PTH1R: variants seen among roughly 807,000 people sequenced by gnomAD.
PTH1R encodes the protein parathyroid hormone/parathyroid hormone-related peptide receptor.
Under a neutral mutation model 70.7 loss-of-function variants are expected in PTH1R, and 32 were observed. That is an observed-to-expected ratio of 0.45 (90% CI 0.34 to 0.61). The LOEUF is 0.61. Ranked by LOEUF, PTH1R falls within the 20% of genes least tolerant of loss-of-function variation. The probability of loss-of-function intolerance (pLI) is 0.01; values close to 1 mark genes in which losing one functional copy is unlikely to be tolerated. For synonymous variants in PTH1R, 329 were observed against 324.8 expected (o/e 1.01, Z -0.14); for missense variants, 626 against 792.5 (o/e 0.79, Z 2.52).
chr3:46,878,175 G>T (rs1264809898), intron 1 of PTH1R, among the ~76,000 whole-genome samples: 1 of 152,236 alleles, frequency 6.6e-6, no homozygotes, highest in African/African-American at 2.4e-5. Context: ...TGCTTCTGCT[G>T]CAAGGGAAGG....
At chr3:46,894,938 C>T (rs987376029) in intron 4 of PTH1R, among the ~76,000 whole-genome samples, 2 of 151,876 alleles carry the variant, frequency 1.3e-5, no homozygotes, top group African/African-American at 2.4e-5. Context: ...GTGGTGCACA[C>T]CTGTAGTCCC....
Position 46,902,345 on chromosome 3 carries a change from G to C in PTH1R, c.1212-181G>C, listed in dbSNP as rs2032175909. ...CCGGGACACCGCTGAGAACCAACGG[G>C]CCCTATTAGCACTTAGCCAGGACAG... On this transcript the variant is annotated intron_variant, in intron 13 of 15. Coordinates refer to ENST00000449590, the MANE Select transcript of PTH1R (RefSeq NM_000316.3). This position sits in a 1 kb window ranked among gnomAD's most constrained non-coding sequence, Gnocchi z 5.4. 6.6e-6 allele frequency among the ~76,000 whole-genome samples: 1 copy of C among 152,160 alleles called. No individual in the cohort carries two copies. The highest frequency in any genetic ancestry group is 1.5e-5 in the Non-Finnish European group (1 of 68,016).
At chr3:46,881,467 A>G (rs1349823440) in intron 2 of PTH1R, among the ~76,000 whole-genome samples, 5 of 151,976 alleles carry the variant, frequency 3.3e-5, no homozygotes, top group Admixed American at 1.3e-4. Context: ...AGGGAGGTGA[A>G]GCCTGAGAGT....
rs2031550751 is a variant in PTH1R at position 46,893,468 on chromosome 3, G to A, written c.76-439G>A. Among the ~76,000 whole-genome samples the A allele has an allele frequency of 6.6e-6, 1 of 152,082 alleles. No individual in the cohort carries two copies. Among genetic ancestry groups the A allele is most frequent in the African/African-American group, 2.4e-5 (1 of 41,408 alleles). Reference sequence around the variant, plus strand: ...CCCCCCAGGGTGCCAGGACTTGAAGGACTCCAGGCTGGGTTTGTCTCCCCA... The same window carrying A: ...CCCCCCAGGGTGCCAGGACTTGAAGAACTCCAGGCTGGGTTTGTCTCCCCA... On this transcript the variant is annotated intron_variant, in intron 3 of 15. Coordinates refer to ENST00000449590, the MANE Select transcript of PTH1R (RefSeq NM_000316.3). The surrounding 1 kb of genome is among the most constrained non-coding windows in gnomAD (Gnocchi z 5.2).
In PTH1R at chr3:46,898,772, T is replaced by C. The variant is rs547682383; in HGVS notation, c.749T>C (p.Leu250Pro). The change falls in exon 9 of 16, where the codon CTT becomes CCT. Residue 250 changes from leucine (L) to proline (P), a missense_variant. By Grantham distance (98) the Leu-to-Pro change is moderately conservative. This residue lies in a region of PTH1R where 495 missense variants were observed against 638.7 expected (regional missense o/e 0.77). Coordinates refer to ENST00000449590, the MANE Select transcript of PTH1R (RefSeq NM_000316.3). ...GCTGTGCTCTACTCTGGCGCCACGC[T>C]TGATGAGGCTGAGCGCCTCACCGAG... ...KDAVLYSGAT[L>P]DEAERLTEEE... The C allele has an allele frequency of 2.4e-5, 38 of 1,604,930 alleles. No homozygotes were observed. In the Admixed American group the frequency reaches 4.8e-4, roughly 20 times the overall value.
At chr3:46,887,876 C>G (rs775361826) in intron 3 of PTH1R, among the ~76,000 whole-genome samples, 11 of 152,158 alleles carry the variant, frequency 7.2e-5, no homozygotes, top group Non-Finnish European at 1.2e-4. Context: ...GTGTGTGTGT[C>G]TATATGTGCG....
chr3:46,903,442 T>C lies in PTH1R; in HGVS notation c.1568T>C (p.Leu523Pro). 1 of 1,613,500 alleles carries C rather than the reference T, an allele frequency of 6.2e-7. No homozygotes were observed. Among genetic ancestry groups the C allele is most frequent in the Admixed American group, 1.7e-5 (1 of 60,010 alleles). The change falls in exon 16 of 16, where the codon CTG (leucine) becomes CCG (proline). Residue 523 changes from leucine to proline, a missense_variant. This residue lies in a region of PTH1R where 495 missense variants were observed against 638.7 expected (regional missense o/e 0.77). Coordinates refer to ENST00000449590, the MANE Select transcript of PTH1R (RefSeq NM_000316.3). The surrounding 1 kb of genome is among the most constrained non-coding windows in gnomAD (Gnocchi z 4.4). ...GLGLPLSPRLLPTATTNGHPQ... is the reference protein window; with the variant it reads ...GLGLPLSPRLPPTATTNGHPQ... Reference sequence around the variant, plus strand: ...GGCCTGCCCCTCAGCCCCCGCCTACTGCCCACTGCCACCACCAACGGCCAC... The same window carrying C: ...GGCCTGCCCCTCAGCCCCCGCCTACCGCCCACTGCCACCACCAACGGCCAC...
Position 46,898,246 on chromosome 3 carries a change from C to T in PTH1R, c.543+54C>T, listed in dbSNP as rs1248350167. On this transcript the variant is annotated intron_variant, in intron 7 of 15. Coordinates refer to ENST00000449590, the MANE Select transcript of PTH1R (RefSeq NM_000316.3). ...CCAGGATAAATTCACTCCCACCCCA[C>T]GGGTGACCCCTGACCCAGCCCTGAC... The T allele has an allele frequency of 9.4e-6, 15 of 1,594,734 alleles. No individual in the cohort carries two copies. The East Asian group carries it at 2.0e-4, about 21-fold the overall frequency.
rs1422429554 is a variant in PTH1R at position 46,884,151 on chromosome 3, G to C, written c.75+517G>C. Among the ~76,000 whole-genome samples, 1 of 152,138 alleles carries C rather than the reference G, an allele frequency of 6.6e-6. No homozygotes were observed. Among genetic ancestry groups the C allele is most frequent in the Non-Finnish European group, 1.5e-5 (1 of 67,994 alleles). On this transcript the variant is annotated intron_variant, in intron 3 of 15. Transcript: ENST00000449590. This position sits in a 1 kb window ranked among gnomAD's most constrained non-coding sequence, Gnocchi z 4.8. ...ACGTCTGGCTTCACCCAGGGTAGAA[G>C]CTGTTTCCCCAAGGAGGTGGGTGTG...
intron 9 of PTH1R, 144 bp from the exon 10 acceptor site, chr3:46,899,159 G>C: frequency 8.2e-6 from 9 of 1,091,488 alleles, no homozygotes; most frequent in South Asian, 6.7e-5. Context: ...ATCCCCCTGA[G>C]AGAGCCCCCC....
chr3:46,901,429 C>T lies in PTH1R; in HGVS notation c.1065C>T (p.Ser355=). The T allele has an allele frequency of 6.3e-7, 1 of 1,575,268 alleles. No homozygotes were observed. The highest frequency in any genetic ancestry group is 8.6e-7 in the Non-Finnish European group (1 of 1,159,608). The stretch of plus-strand genomic sequence containing the variant: ...CCTCCCCCAGGTGCTGGGACTTGAG[C>T]TCCGGGAACAAAAAGTGGATCATCC... ...TLANTGCWDL[S]SGNKKWIIQV... The change falls in exon 12 of 16, where the codon AGC becomes AGT. Residue 355 remains serine (S), a synonymous_variant. Transcript: ENST00000449590. The surrounding 1 kb of genome is among the most constrained non-coding windows in gnomAD (Gnocchi z 7.3).
In PTH1R at chr3:46,883,920, T is replaced by C. The variant is rs1456184991; in HGVS notation, c.75+286T>C. On this transcript the variant is annotated intron_variant, in intron 3 of 15. Coordinates refer to ENST00000449590, the MANE Select transcript of PTH1R (RefSeq NM_000316.3). The surrounding 1 kb of genome is among the most constrained non-coding windows in gnomAD (Gnocchi z 6.4). The stretch of plus-strand genomic sequence containing the variant: ...TGCTTCTGTGAGCACCATGGCTGTT[T>C]CTCCCTGGAAGATGACAGTGTGACC... Among the ~76,000 whole-genome samples the C allele has an allele frequency of 2.0e-5, 3 of 152,192 alleles. No individual in the cohort carries two copies. The East Asian group carries it at 5.8e-4, about 29-fold the overall frequency.
intron 1 of PTH1R, among the ~76,000 whole-genome samples, chr3:46,878,981 C>T (rs1399611713): frequency 6.6e-6 from 1 of 152,200 alleles, no homozygotes; most frequent in African/African-American, 2.4e-5. Context: ...GACTCTGAGC[C>T]CCTGGGGCGT....
chr3:46,887,640 G>C (rs2031123570), intron 3 of PTH1R, among the ~76,000 whole-genome samples: 1 of 152,104 alleles, frequency 6.6e-6, no homozygotes, highest in African/African-American at 2.4e-5. Flanking sequence ...TACATATCAA[G>C]TAGATAATTT....
intron 7 of PTH1R, 52 bp downstream of exon 7, chr3:46,898,244 C>A: frequency 6.3e-7 from 1 of 1,596,836 alleles, no homozygotes; most frequent in Non-Finnish European, 8.6e-7. Flanking sequence ...ACTCCCACCC[C>A]ACGGGTGACC....
At chr3:46,887,833 G>T (rs148402920) in intron 3 of PTH1R, among the ~76,000 whole-genome samples, 21 of 152,104 alleles carry the variant, frequency 1.4e-4, no homozygotes, top group Admixed American at 1.4e-3. Flanking sequence ...GTAGTCCATA[G>T]GAATGTACAT....
chr3:46,900,962 G>C (rs2032079206), intron 10 of PTH1R, 63 bp from the exon 11 acceptor site: 1 of 1,519,126 alleles, frequency 6.6e-7, no homozygotes, highest in Admixed American at 2.0e-5. Flanking sequence ...TCGAGGATGA[G>C]GGGGGAATGA....
chr3:46,884,361 G>A lies in PTH1R; in HGVS notation c.75+727G>A, dbSNP rs367579525. Among the ~76,000 whole-genome samples, 12 of 152,286 alleles carry A rather than the reference G, an allele frequency of 7.9e-5. No individual in the cohort carries two copies. The highest frequency in any genetic ancestry group is 2.9e-4 in the African/African-American group (12 of 41,546). Reference sequence around the variant, plus strand: ...GAGGGAGAGGAGAGACAGAGACAAAGCCGGGTGGGGAGGAGAGATCCCCCC... The same window carrying A: ...GAGGGAGAGGAGAGACAGAGACAAAACCGGGTGGGGAGGAGAGATCCCCCC... On this transcript the variant is annotated intron_variant, in intron 3 of 15. Transcript: ENST00000449590. This position sits in a 1 kb window ranked among gnomAD's most constrained non-coding sequence, Gnocchi z 4.8.
At chr3:46,900,958 A>T in intron 10 of PTH1R, 67 bp from the exon 11 acceptor site, 1 of 1,516,178 alleles carries the variant, frequency 6.6e-7, no homozygotes, top group Non-Finnish European at 9.0e-7. Context: ...GTCATCGAGG[A>T]TGAGGGGGGA....
Sources: gnomAD v4.1 joint callset for allele counts (sites outside exome capture counted in the v4.1 genomes callset) on GRCh38, gnomAD v4.1.1 for gene constraint, gnomAD v4.1.1 regional missense constraint, Gnocchi (gnomAD v3.1) non-coding constraint, MANE v1.5 for transcripts, NCBI Gene and HGNC (gene_info 2026-07-23, HGNC 2026-07-21) for gene names.